FLNA: variants seen among roughly 807,000 people sequenced by gnomAD.
FLNA encodes the protein filamin A, also known as filamin-A.
FLNA carries 7 observed loss-of-function variants against 157.6 expected under a neutral mutation model. That is an observed-to-expected ratio of 0.04 (90% CI 0.03 to 0.08). The LOEUF is 0.08. Ranked by LOEUF, FLNA falls within the 10% of genes least tolerant of loss-of-function variation. The pLI is 1.00. For missense variants in FLNA, 1,750 were observed against 2,398.4 expected, an observed-to-expected ratio of 0.73 and a Z score of 5.65; for synonymous variants, 1,103 against 1,060.8, an observed-to-expected ratio of 1.04 and a Z score of -0.77.
intron 42 of FLNA, 78 bp from the exon 43 acceptor site, chrX:154,351,774 G>C: frequency 8.8e-7 from 1 of 1,138,822 alleles, no homozygotes; most frequent in Non-Finnish European, 1.2e-6. Context: ...GGGTGGCCCT[G>C]TGACCTCAAA....
chrX:154,373,370 G>A (rs2067822003), intron 1 of FLNA, among the ~76,000 whole-genome samples: 1 of 111,903 alleles, frequency 8.9e-6, no homozygotes, highest in Non-Finnish European at 1.9e-5. Context: ...GGTGGGTGCC[G>A]TGTCTTCCAG....
Position 154,348,739 on chromosome X carries a change from G to T in FLNA, c.*110C>A. The T allele has an allele frequency of 1.4e-6, 1 of 719,337 alleles. No homozygotes were observed. The highest frequency in any genetic ancestry group is 2.0e-6 in the Non-Finnish European group (1 of 492,799). 59.3% of individuals were successfully genotyped at this position (719,337 alleles called of 1,213,427 possible). ...ACGGCACAGGGCAGGGGCGGCTGCA[G>T]TGACAGGCGGGCGGCCAGGGCGGCC... On this transcript the variant is annotated 3_prime_UTR_variant, in exon 48 of 48. Coordinates refer to ENST00000369850, the MANE Select transcript of FLNA (RefSeq NM_001110556.2).
chrX:154,371,424 C>A (rs1362094149), intron 1 of FLNA, 63 bp from the exon 2 acceptor site: 7 of 320,653 alleles, frequency 2.2e-5, no homozygotes, highest in Non-Finnish European at 3.6e-5. Context: ...GGGCCTCCTG[C>A]GGGGAGGGGC....
Position 154,364,890 on chromosome X carries a change from C to A in FLNA, c.1759G>T (p.Glu587Ter), listed in dbSNP as rs1447594194. 8.3e-7 allele frequency: 1 copy of A among 1,210,153 alleles called. No individual in the cohort carries two copies. Among genetic ancestry groups the A allele is most frequent in the Admixed American group, 2.2e-5 (1 of 45,934 alleles). Reference protein sequence around the residue: ...QKVRAWGPGLEGGVVGKSADF... With the variant: ...QKVRAWGPGL ...GCTGACTTGCCAACGACGCCGCCCT[C>A]CAGCCCAGGGCCCCAGGCCCGTACC... The change falls in exon 12 of 48, where the codon GAG (glutamate) becomes TAG (stop). Residue 587 changes from glutamate (E) to a stop codon, truncating the protein, a stop_gained. Transcript: ENST00000369850. LOFTEE classifies it high-confidence loss of function.
At position 154,360,444 on chromosome X, in the gene FLNA, A is replaced by G. The variant is rs1557177772; in HGVS notation, c.3351T>C (p.Asn1117=). Residue 1117 remains asparagine (N), a synonymous_variant, in exon 22 of 48, where the codon AAT becomes AAC. Transcript: ENST00000369850. ...PCEAQLECLD[N]GDGTCSVSYV... is the part of the protein sequence containing the mutation. ...AGGACACGGAACATGTGCCATCCCC[A>G]TTGTCCAAGCACTCGAGCTGCGCCT... is the stretch of plus-strand genomic sequence containing the variant. The G allele has an allele frequency of 8.3e-7, 1 of 1,211,280 alleles. No homozygotes were observed. Among genetic ancestry groups the G allele is most frequent in the East Asian group, 3.0e-5 (1 of 33,847 alleles).
rs1569551691 is a variant in FLNA, at chrX:154,360,561, C to A, written c.3234G>T (p.Gln1078His). 1 of 1,208,360 alleles carries A rather than the reference C, an allele frequency of 8.3e-7. No individual in the cohort carries two copies. ...SKVKAFGPGL[Q>H]GGSAGSPARF... ...GGGCGGGGGAGCCCGCACTGCCTCC[C>A]TGCAGCCCCGGCCCAAACGCCTTCA... The change falls in exon 22 of 48, where the codon CAG becomes CAT. Residue 1078 changes from glutamine (Q) to histidine (H), a missense_variant. Transcript: ENST00000369850.
chrX:154,365,643 C>T (rs1456500392), intron 9 of FLNA, among the ~76,000 whole-genome samples, 157 bp from the exon 10 acceptor site: 5 of 111,893 alleles, frequency 4.5e-5, no homozygotes, highest in Admixed American at 2.8e-4. Context: ...ACCCCAGGAA[C>T]TGTGGCCTGG....
chrX:154,368,870 G>C (rs2148120148), intron 2 of FLNA, among the ~76,000 whole-genome samples: 1 of 112,942 alleles, frequency 8.9e-6, no homozygotes, highest in East Asian at 2.8e-4. Context: ...GCCACCCACT[G>C]CCTGACCCAC....
At position 154,370,812 on chromosome X, in the gene FLNA, A is replaced by G. The variant is rs5987249; in HGVS notation, c.373+61T>C. 270,723 of 1,155,593 alleles carry G rather than the reference A, an allele frequency of 0.23. 23,398 individuals are homozygous for G. Among genetic ancestry groups the G allele is most frequent in the South Asian group, 0.54 (28,898 of 53,823 alleles). On this transcript the variant is annotated intron_variant, in intron 2 of 47. Transcript: ENST00000369850. ...GTGGTTTGGAGGGGTCCGCCCGGGGAGATGGAAGGACGCACGGAGTCCCCG... is the reference window on the plus strand; with the variant it reads ...GTGGTTTGGAGGGGTCCGCCCGGGGGGATGGAAGGACGCACGGAGTCCCCG...
Position 154,365,501 on chromosome X carries a change from G to T in FLNA, c.1430-15C>A, listed in dbSNP as rs1557179021. 3 of 1,208,590 alleles carry T rather than the reference G, an allele frequency of 2.5e-6. No homozygotes were observed. The highest frequency in any genetic ancestry group is 5.9e-5 in the East Asian group (2 of 33,764). ...CGGGTTACAGGCTGCAGGCAGAGGG[G>T]CCAGCTGAGCACCAGCAGCTCGGCT... On this transcript the variant is annotated splice_polypyrimidine_tract_variant and intron_variant, in intron 9 of 47. Transcript: ENST00000369850.
In FLNA at chrX:154,364,911, G is replaced by A; in HGVS notation, c.1738C>T (p.Arg580Trp). ...VGTECGNQKV[R>W]AWGPGLEGGV... Reference sequence around the variant, plus strand: ...CCCTCCAGCCCAGGGCCCCAGGCCCGTACCTTCTGATTGCCACACTCGGTG... The same window carrying A: ...CCCTCCAGCCCAGGGCCCCAGGCCCATACCTTCTGATTGCCACACTCGGTG... The change falls in exon 12 of 48, where the codon CGG becomes TGG. Residue 580 changes from arginine to tryptophan, a missense_variant. By Grantham distance (101) the Arg-to-Trp change is moderately radical. Coordinates refer to ENST00000369850, the MANE Select transcript of FLNA (RefSeq NM_001110556.2). 1.7e-6 allele frequency: 2 copies of A among 1,211,301 alleles called. No homozygotes were observed. The highest frequency in any genetic ancestry group is 2.2e-5 in the Admixed American group (1 of 46,112).
At chrX:154,352,723 G>A in intron 39 of FLNA, 48 bp from the exon 40 acceptor site, 2 of 1,211,659 alleles carry the variant, frequency 1.7e-6, no homozygotes, top group Non-Finnish European at 2.2e-6. Flanking sequence ...CATACTGCCT[G>A]TGGGCCCTGG....
rs2148100398 is a variant in FLNA at position 154,349,453 on chromosome X, A to G, written c.7665T>C (p.Ala2555=). The change falls in exon 47 of 48, where the codon GCT becomes GCC. Residue 2555 remains alanine (A), a synonymous_variant. Coordinates refer to ENST00000369850, the MANE Select transcript of FLNA (RefSeq NM_001110556.2). Reference sequence around the variant, plus strand: ...CCTTGGCCACCACCTTGCTGGCGTCAGCAGGCCCAGGACCCGGGGCCCCAT... The same window carrying G: ...CCTTGGCCACCACCTTGCTGGCGTCGGCAGGCCCAGGACCCGGGGCCCCAT... ...PQHGAPGPGP[A]DASKVVAKGL... The G allele has an allele frequency of 8.3e-7, 1 of 1,212,020 alleles. No homozygotes were observed. The highest frequency in any genetic ancestry group is 1.1e-6 in the Non-Finnish European group (1 of 895,476).
Position 154,357,601 on chromosome X carries a change from T to G in FLNA, c.4778A>C (p.Lys1593Thr). Residue 1593 changes from lysine (K) to threonine (T), a missense_variant, in exon 29 of 48, where the codon AAG becomes ACG. Coordinates refer to ENST00000369850, the MANE Select transcript of FLNA (RefSeq NM_001110556.2). ...GTCATGGTTGTCTTGGATGTGTGTC[T>G]TCTTCGGCTTGCCTTCGGGATCCTG... ...QITDPEGKPK[K>T]THIQDNHDGT... 1 of 1,211,765 alleles carries G rather than the reference T, an allele frequency of 8.3e-7. No individual in the cohort carries two copies. The highest frequency in any genetic ancestry group is 1.1e-6 in the Non-Finnish European group (1 of 895,420).
rs375638897 is a variant in FLNA at position 154,365,174 on chromosome X, G to C, written c.1653C>G (p.Ile551Met). The C allele has an allele frequency of 8.3e-7, 1 of 1,211,584 alleles. No individual in the cohort carries two copies. Among genetic ancestry groups the C allele is most frequent in the Non-Finnish European group, 1.1e-6 (1 of 895,271 alleles). Residue 551 changes from isoleucine (I) to methionine (M), a missense_variant, in exon 11 of 48, where the codon ATC becomes ATG. Ile to Met is a conservative substitution (Grantham distance 10). Around this residue, in one of 5 missense-constraint regions of FLNA, gnomAD observed 648 missense variants for 805.8 expected, o/e 0.80. Coordinates refer to ENST00000369850, the MANE Select transcript of FLNA (RefSeq NM_001110556.2). ...EYYPMVPGTYIVTITWGGQNI... is the reference protein window; with the variant it reads ...EYYPMVPGTYMVTITWGGQNI... ...TCTGACCACCCCACGTGATGGTGAC[G>C]ATATAGGTTCCAGGGACCATGGGGT...
chrX:154,354,136 G>A lies in FLNA; in HGVS notation c.5557+15C>T, dbSNP rs2067644236. On this transcript the variant is annotated intron_variant, in intron 34 of 47. Coordinates refer to ENST00000369850, the MANE Select transcript of FLNA (RefSeq NM_001110556.2). ...GGTGGTGGCGGTGGAGTGGGCAGAG[G>A]CAGGGCAGGCCCACCTGGGATGTGC... The A allele has an allele frequency of 8.3e-7, 1 of 1,210,669 alleles. No homozygotes were observed.
Position 154,349,882 on chromosome X carries a change from G to C in FLNA, c.7334-15C>G. On this transcript the variant is annotated splice_polypyrimidine_tract_variant and intron_variant, in intron 45 of 47. Transcript: ENST00000369850. ...AGCTGGGTTCCCTGGGAGCACAGGA[G>C]GTCAGGCAGAGCCAGACTGGCCTGC... is the stretch of plus-strand genomic sequence containing the variant. 8.3e-7 allele frequency: 1 copy of C among 1,205,911 alleles called. No homozygotes were observed. Among genetic ancestry groups the C allele is most frequent in the Non-Finnish European group, 1.1e-6 (1 of 890,656 alleles).
rs76337075 is a variant in FLNA, at chrX:154,349,432, G to A, written c.7686C>T (p.Ala2562=). 5.9e-4 allele frequency: 717 copies of A among 1,211,404 alleles called. 4 individuals are homozygous for A. The African/African-American group carries it at 6.4e-3, about 11-fold the overall frequency. ...AGGCCTTGCTCAGCCCCAGGCCCTT[G>A]GCCACCACCTTGCTGGCGTCAGCAG... ...PGPADASKVV[A]KGLGLSKAYV... Residue 2562 remains alanine, a synonymous_variant, in exon 47 of 48, where the codon GCC becomes GCT. Coordinates refer to ENST00000369850, the MANE Select transcript of FLNA (RefSeq NM_001110556.2).
rs2067718143 is a variant in FLNA, at chrX:154,362,310, C to T, written c.2588G>A (p.Arg863Gln). The change falls in exon 18 of 48, where the codon CGA becomes CAA. Residue 863 changes from arginine (R) to glutamine (Q), a missense_variant. This residue lies in a region of FLNA where 648 missense variants were observed against 805.8 expected (regional missense o/e 0.80). Transcript: ENST00000369850. Reference sequence around the variant, plus strand: ...GTCATGAGAGGGCTCCACCTTGACTCGGATGGGGCTGGTGGGCGTGGCCTG... The same window carrying T: ...GTCATGAGAGGGCTCCACCTTGACTTGGATGGGGCTGGTGGGCGTGGCCTG... ...ADQATPTSPI[R>Q]VKVEPSHDAS... The T allele has an allele frequency of 5.8e-6, 7 of 1,209,513 alleles. No homozygotes were observed. The highest frequency in any genetic ancestry group is 1.7e-5 in the African/African-American group (1 of 57,207).
Sources: gnomAD v4.1 joint callset for allele counts (sites outside exome capture counted in the v4.1 genomes callset) on GRCh38, gnomAD v4.1.1 for gene constraint, gnomAD v4.1.1 regional missense constraint, MANE v1.5 for transcripts, NCBI Gene and HGNC (gene_info 2026-07-23, HGNC 2026-07-21) for gene names.